SLC26A7: variants seen among roughly 807,000 people sequenced by gnomAD.
SLC26A7 encodes the protein anion exchange transporter.
Under a neutral mutation model 82.5 loss-of-function variants are expected in SLC26A7, and 59 were observed. The ratio of observed to expected loss-of-function variants is 0.72; its 90% CI spans 0.58 to 0.89. The LOEUF is 0.89. Ranked by LOEUF, SLC26A7 falls within the 40% of genes least tolerant of loss-of-function variation. The probability of loss-of-function intolerance (pLI) is 0.00; values close to 1 mark genes in which losing one functional copy is unlikely to be tolerated. For missense variants in SLC26A7, 820 were observed against 793.0 expected, an observed-to-expected ratio of 1.03 and a Z score of -0.41; for synonymous variants, 271 against 274.3, an observed-to-expected ratio of 0.99 and a Z score of 0.12.
At chr8:91,335,174 A>G (rs953889312) in intron 6 of SLC26A7, among the ~76,000 whole-genome samples, 6 of 152,186 alleles carry the variant, frequency 3.9e-5, no homozygotes, top group African/African-American at 1.2e-4. Flanking sequence ...ATACATGTAT[A>G]TGATAAATGT....
intron 2 of SLC26A7, among the ~76,000 whole-genome samples, chr8:91,232,095 A>G (rs1423347967): frequency 1.3e-5 from 2 of 152,210 alleles, no homozygotes. Flanking sequence ...AGAAAAACAA[A>G]ATGAATCTGA....
At position 91,328,132 on chromosome 8, in the gene SLC26A7, G is replaced by A. The variant is rs541677087; in HGVS notation, c.643-6163G>A. 1.3e-3 allele frequency among the ~76,000 whole-genome samples: 205 copies of A among 152,060 alleles called. 1 individual carries two copies. The highest frequency in any genetic ancestry group is 4.6e-3 in the African/African-American group (192 of 41,526). ...TTGTTAATATTTTCTAAACATATAA[G>A]ATCTTTCTATTTGTGTTATGAAATT... On this transcript the variant is annotated intron_variant, in intron 5 of 18. Transcript: ENST00000276609.
intron 15 of SLC26A7, among the ~76,000 whole-genome samples, chr8:91,376,612 AG>A (rs1471674435): frequency 6.6e-6 from 1 of 152,160 alleles, no homozygotes; most frequent in Non-Finnish European, 1.5e-5. Context: ...CAGAGATCTC[AG>A]GTAGCTTTTC....
chr8:91,215,002 G>A lies in SLC26A7; in HGVS notation c.-149-3888G>A, dbSNP rs546454801. Among the ~76,000 whole-genome samples the A allele has an allele frequency of 5.9e-5, 9 of 151,906 alleles. No individual in the cohort carries two copies. In the South Asian group the frequency reaches 1.9e-3, roughly 32 times the overall value. ...TTCTTCCATCTTCAAAGTCAGTATTGGCTGATCTAGGCCTTCTCATATCAC... is the reference window on the plus strand; with the variant it reads ...TTCTTCCATCTTCAAAGTCAGTATTAGCTGATCTAGGCCTTCTCATATCAC... On this transcript the variant is annotated intron_variant, in intron 1 of 5. Coordinates refer to the SLC26A7 transcript ENST00000522862.
chr8:91,233,004 A>G (rs1810329869), intron 2 of SLC26A7, among the ~76,000 whole-genome samples: 1 of 152,218 alleles, frequency 6.6e-6, no homozygotes, highest in Non-Finnish European at 1.5e-5. Flanking sequence ...ATTGAATTAT[A>G]TTGGGAATAC....
intron 1 of SLC26A7, among the ~76,000 whole-genome samples, chr8:91,216,317 C>G (rs539481542): frequency 6.6e-6 from 1 of 152,108 alleles, no homozygotes; most frequent in African/African-American, 2.4e-5. Context: ...CATGCGATGT[C>G]CTAATGACAC....
chr8:91,289,517 C>T (rs1337004544), intron 3 of SLC26A7, among the ~76,000 whole-genome samples: 1 of 152,096 alleles, frequency 6.6e-6, no homozygotes, highest in African/African-American at 2.4e-5. Flanking sequence ...TGGTAGTACA[C>T]GCCTGTAGTC....
chr8:91,388,293 C>T (rs1283410303), intron 15 of SLC26A7, among the ~76,000 whole-genome samples: 1 of 151,450 alleles, frequency 6.6e-6, no homozygotes, highest in East Asian at 1.9e-4. Context: ...GTTGCCCAGG[C>T]TGGAGTGCAG....
chr8:91,232,852 A>G (rs1157605361), intron 2 of SLC26A7, among the ~76,000 whole-genome samples: 1 of 152,216 alleles, frequency 6.6e-6, no homozygotes, highest in Non-Finnish European at 1.5e-5. Context: ...AAGCATTTAG[A>G]GAATACAGAT....
intron 2 of SLC26A7, among the ~76,000 whole-genome samples, chr8:91,276,154 G>T (rs1258042757): frequency 6.6e-6 from 1 of 152,012 alleles, no homozygotes; most frequent in Non-Finnish European, 1.5e-5. Flanking sequence ...TTATGGCCAA[G>T]GGATTACTTC....
At chr8:91,324,794 G>T (rs1186710871) in intron 5 of SLC26A7, among the ~76,000 whole-genome samples, 73 of 152,170 alleles carry the variant, frequency 4.8e-4, no homozygotes, top group Non-Finnish European at 2.9e-5. Context: ...GGGTGGGTCT[G>T]CTTAGATAAG....
chr8:91,223,133 T>C (rs1586302598), intron 2 of SLC26A7, among the ~76,000 whole-genome samples: 1 of 152,226 alleles, frequency 6.6e-6, no homozygotes, highest in Admixed American at 6.5e-5. Context: ...GAGGTATTTA[T>C]AGTATTCTCT....
chr8:91,287,382 A>C (rs113908637), intron 2 of SLC26A7, among the ~76,000 whole-genome samples: 282 of 152,320 alleles, frequency 1.9e-3, no homozygotes, highest in African/African-American at 6.6e-3. Flanking sequence ...GTAGCTATTC[A>C]CGCTATTCAT....
intron 4 of SLC26A7, among the ~76,000 whole-genome samples, chr8:91,302,584 A>C (rs902242074): frequency 3.9e-5 from 6 of 152,144 alleles, no homozygotes; most frequent in African/African-American, 1.4e-4. Flanking sequence ...ATTGCCATGC[A>C]ATAAATTTTA....
At chr8:91,286,388 T>G (rs1337071580) in intron 2 of SLC26A7, among the ~76,000 whole-genome samples, 2 of 152,356 alleles carry the variant, frequency 1.3e-5, no homozygotes, top group Non-Finnish European at 1.5e-5. Context: ...TTTCAAAGTC[T>G]TCTCGTGACC....
intron 5 of SLC26A7, among the ~76,000 whole-genome samples, chr8:91,330,638 C>T (rs571581414): frequency 7.9e-5 from 12 of 152,058 alleles, no homozygotes; most frequent in Non-Finnish European, 1.3e-4. Flanking sequence ...GTTATAAAAA[C>T]TGGATTCAGC....
At chr8:91,322,496 A>G (rs1812819687) in intron 5 of SLC26A7, among the ~76,000 whole-genome samples, 2 of 152,338 alleles carry the variant, frequency 1.3e-5, no homozygotes, top group East Asian at 1.9e-4. Flanking sequence ...ATAAGAAGAA[A>G]AAGTTTAATT....
At chr8:91,235,997 A>G (rs2130679579) in intron 2 of SLC26A7, among the ~76,000 whole-genome samples, 1 of 152,322 alleles carries the variant, frequency 6.6e-6, no homozygotes, top group East Asian at 1.9e-4. Flanking sequence ...AATTTTACTT[A>G]GATGCATAAC....
chr8:91,293,413 C>T (rs1401390847), intron 3 of SLC26A7, among the ~76,000 whole-genome samples: 1 of 152,242 alleles, frequency 6.6e-6, no homozygotes, highest in Admixed American at 6.5e-5. Context: ...ATGTCATCCA[C>T]AACAGCCACA....
Sources: gnomAD v4.1 joint callset for allele counts (sites outside exome capture counted in the v4.1 genomes callset) on GRCh38, gnomAD v4.1.1 for gene constraint, MANE v1.5 for transcripts, NCBI Gene and HGNC (gene_info 2026-07-23, HGNC 2026-07-21) for gene names.